The following EIF3L variants were observed in gnomAD, a reference collection of about 807,000 sequenced individuals.
EIF3L encodes the protein eIEF associated protein HSPC021.
EIF3L carries 32 observed loss-of-function variants against 74.6 expected under a neutral mutation model. The ratio of observed to expected loss-of-function variants is 0.43; its 90% CI spans 0.32 to 0.58. The LOEUF (loss-of-function observed/expected upper bound fraction) is 0.58, where lower values mean the gene tolerates loss of function less well. EIF3L is among the 20% of genes least tolerant of loss of function. EIF3L has a pLI of 0.06. For missense variants in EIF3L, 474 were observed against 707.8 expected (o/e 0.67, Z 3.75); for synonymous variants, 256 against 254.4 (o/e 1.01, Z -0.06).
rs116889777 is a variant in EIF3L, at chr22:37,855,146, C to G, written c.294-419C>G. 3.6e-3 allele frequency among the ~76,000 whole-genome samples: 542 copies of G among 152,220 alleles called. 28 individuals carry two copies. The East Asian group carries it at 0.093, about 26-fold the overall frequency. On this transcript the variant is annotated intron_variant, in intron 3 of 12. Transcript: ENST00000652021. The stretch of plus-strand genomic sequence containing the variant: ...TAGGCAGCAGTGTTTAAATTGGATG[C>G]TGTAGGTCTGTTGTGGCCTTGGACT...
chr22:37,859,034 A>G (rs899376426), intron 5 of EIF3L, among the ~76,000 whole-genome samples: 2 of 151,700 alleles, frequency 1.3e-5, no homozygotes, highest in African/African-American at 4.8e-5. Flanking sequence ...GGATATTTCC[A>G]GGTACCTGCT....
chr22:37,850,109 C>T, intron 2 of EIF3L, 46 bp downstream of exon 2: 1 of 1,606,124 alleles, frequency 6.2e-7, no homozygotes, highest in Non-Finnish European at 8.5e-7. Flanking sequence ...GGGATCAGTT[C>T]CTTTGGAATG....
chr22:37,866,693 G>A (rs1926168449), intron 7 of EIF3L, among the ~76,000 whole-genome samples: 1 of 152,132 alleles, frequency 6.6e-6, no homozygotes, highest in South Asian at 2.1e-4. Flanking sequence ...GGCTGAGGCA[G>A]GAGAATCGCT....
intron 11 of EIF3L, chr22:37,880,221 T>A (rs1926977941): frequency 6.6e-6 from 1 of 152,182 alleles, no homozygotes; most frequent in Non-Finnish European, 1.5e-5. Flanking sequence ...CACGCCATTC[T>A]CCTGCCTCAG....
chr22:37,856,122 A>G (rs905378299), intron 4 of EIF3L, among the ~76,000 whole-genome samples: 7 of 151,926 alleles, frequency 4.6e-5, no homozygotes, highest in Non-Finnish European at 7.4e-5. Flanking sequence ...CAGTGGCACA[A>G]TCTTGGCTCA....
intron 9 of EIF3L, among the ~76,000 whole-genome samples, chr22:37,875,012 G>A (rs1020400861): frequency 2.0e-5 from 3 of 150,504 alleles, no homozygotes; most frequent in African/African-American, 7.3e-5. Context: ...CAAAATGCTG[G>A]GATTACAGGC....
In EIF3L at chr22:37,878,096, C is replaced by T. The variant is rs748817391; in HGVS notation, c.1500C>T (p.Leu500=). 44 of 1,614,010 alleles carry T rather than the reference C, an allele frequency of 2.7e-5. No individual in the cohort carries two copies. The highest frequency in any genetic ancestry group is 8.9e-5 in the East Asian group (4 of 44,888). The change falls in exon 11 of 13, where the codon CTC becomes CTT. Residue 500 remains leucine, a synonymous_variant. Coordinates refer to ENST00000652021, the MANE Select transcript of EIF3L (RefSeq NM_016091.4). ...LLVFKHKMKN[L]VWTSGISALD... ...TCTTCAAACACAAGATGAAGAACCT[C>T]GTGTGGACCAGCGGTATCTCAGCCC... is the stretch of plus-strand genomic sequence containing the variant.
Position 37,877,897 on chromosome 22 carries a change from A to T in EIF3L, c.1301A>T (p.Asn434Ile). The change falls in exon 11 of 13, where the codon AAC becomes ATC. Residue 434 changes from asparagine (N) to isoleucine (I), a missense_variant. Physicochemically the swap from Asn to Ile is moderately radical, Grantham distance 149. Coordinates refer to ENST00000652021, the MANE Select transcript of EIF3L (RefSeq NM_016091.4). ...CCCAACTATGATAATGTGCACCCCA[A>T]CTACCACAAAGAGCCCTTCCTGCAG... ...VVPNYDNVHP[N>I]YHKEPFLQQL... The T allele has an allele frequency of 6.2e-7, 1 of 1,612,996 alleles. No homozygotes were observed. The highest frequency in any genetic ancestry group is 8.5e-7 in the Non-Finnish European group (1 of 1,179,834).
At chr22:37,856,511 C>T (rs1046724462) in intron 4 of EIF3L, among the ~76,000 whole-genome samples, 3 of 152,192 alleles carry the variant, frequency 2.0e-5, no homozygotes, top group Non-Finnish European at 4.4e-5. Flanking sequence ...TGCCCAGCCA[C>T]ATTGTCTTGA....
intron 8 of EIF3L, among the ~76,000 whole-genome samples, chr22:37,873,348 G>A (rs1474267216): frequency 6.6e-6 from 1 of 150,876 alleles, no homozygotes; most frequent in Non-Finnish European, 1.5e-5. Flanking sequence ...GCCCAGGCTG[G>A]AGTGCAGTGG....
At chr22:37,849,594 C>T in intron 1 of EIF3L, 112 bp downstream of exon 1, 3 of 1,248,346 alleles carry the variant, frequency 2.4e-6, no homozygotes, top group Non-Finnish European at 3.4e-6. Flanking sequence ...TCCGGCCGAC[C>T]TCCCGCCCGG....
chr22:37,856,421 C>G (rs1405553555), intron 4 of EIF3L, among the ~76,000 whole-genome samples: 2 of 152,162 alleles, frequency 1.3e-5, no homozygotes, highest in African/African-American at 4.8e-5. Flanking sequence ...CCGGGTCACA[C>G]TTTGTTGACC....
Position 37,888,848 on chromosome 22 carries a change from T to C in EIF3L, c.*384T>C, listed in dbSNP as rs1927452275. On this transcript the variant is annotated 3_prime_UTR_variant, in exon 13 of 13. Coordinates refer to ENST00000652021, the MANE Select transcript of EIF3L (RefSeq NM_016091.4). ...TCCTCCGCTGCCCAGGTTCAAGCAG[T>C]TCTGCCTCAGCCTTCCAAGTAGCTG... 5.2e-6 allele frequency: 1 copy of C among 191,016 alleles called. No individual in the cohort carries two copies. The highest frequency in any genetic ancestry group is 2.4e-5 in the African/African-American group (1 of 42,272). 11.8% of individuals were successfully genotyped at this position (191,016 alleles called of 1,614,324 possible). A position where few individuals can be genotyped will look rare whatever the true frequency, so the allele number is the denominator to read the frequency against.
intron 4 of EIF3L, among the ~76,000 whole-genome samples, chr22:37,858,338 C>T (rs1925654904): frequency 6.6e-6 from 1 of 150,624 alleles, no homozygotes; most frequent in Non-Finnish European, 1.5e-5. Flanking sequence ...GATCCTCCCA[C>T]CTTAGCCTGC....
Position 37,875,951 on chromosome 22 carries a change from C to T in EIF3L, c.1017C>T (p.Ile339=), listed in dbSNP as rs781480816. ...YQDAIRVFAN[I]LLYIQRTKSM... is the part of the protein sequence containing the mutation. ...ATGCCATCCGGGTCTTCGCCAACAT[C>T]CTCCTCTACATCCAGAGGACCAAGA... is the stretch of plus-strand genomic sequence containing the variant. The change falls in exon 10 of 13, where the codon ATC becomes ATT. Residue 339 remains isoleucine, a synonymous_variant. Coordinates refer to ENST00000652021, the MANE Select transcript of EIF3L (RefSeq NM_016091.4). 4 of 1,614,114 alleles carry T rather than the reference C, an allele frequency of 2.5e-6. No homozygotes were observed. Among genetic ancestry groups the T allele is most frequent in the Non-Finnish European group, 2.5e-6 (3 of 1,180,024 alleles).
chr22:37,860,595 A>C (rs1396023894), intron 5 of EIF3L, among the ~76,000 whole-genome samples: 4 of 152,082 alleles, frequency 2.6e-5, no homozygotes, highest in Middle Eastern at 3.4e-3. Flanking sequence ...CTGGTCTCGA[A>C]CTCCTGACCT....
chr22:37,864,903 T>C (rs1043746497), intron 7 of EIF3L, among the ~76,000 whole-genome samples: 3 of 152,180 alleles, frequency 2.0e-5, no homozygotes, highest in African/African-American at 7.2e-5. Context: ...ACACTGTGCA[T>C]TGGTTTCCCC....
rs535325525 is a variant in EIF3L at position 37,888,546 on chromosome 22, A to G, written c.*82A>G. On this transcript the variant is annotated 3_prime_UTR_variant, in exon 13 of 13. Transcript: ENST00000652021. ...TTGCTACCGTGAAACCTTTACCTAG[A>G]TCAGCCATCAGCCTGTCAACTCAGT... is the stretch of plus-strand genomic sequence containing the variant. 4.5e-5 allele frequency: 61 copies of G among 1,370,304 alleles called. No homozygotes were observed. In the Middle Eastern group the frequency reaches 1.3e-3, roughly 29 times the overall value. 84.9% of individuals were successfully genotyped at this position (1,370,304 alleles called of 1,614,324 possible). A position where few individuals can be genotyped will look rare whatever the true frequency, so the allele number is the denominator to read the frequency against.
chr22:37,869,879 A>G (rs1433042975), intron 7 of EIF3L, among the ~76,000 whole-genome samples: 2 of 152,146 alleles, frequency 1.3e-5, no homozygotes, highest in South Asian at 2.1e-4. Flanking sequence ...AGAGACAGGA[A>G]GTGACTTTGG....
Sources: gnomAD v4.1 joint callset for allele counts (sites outside exome capture counted in the v4.1 genomes callset) on GRCh38, gnomAD v4.1.1 for gene constraint, MANE v1.5 for transcripts, NCBI Gene and HGNC (gene_info 2026-07-23, HGNC 2026-07-21) for gene names.